The following EPS8 variants were observed in gnomAD, a reference collection of about 807,000 sequenced individuals.
EPS8 encodes epidermal growth factor receptor kinase substrate 8.
In EPS8, 42 loss-of-function variants were observed where a neutral mutation model predicts 103.8. That is an observed-to-expected ratio of 0.40 (90% CI 0.32 to 0.52). The LOEUF (loss-of-function observed/expected upper bound fraction) is 0.52, where lower values mean the gene tolerates loss of function less well. Among genes scored for constraint, EPS8 ranks in the 20% least tolerant of loss-of-function variants. The pLI is 0.40. For synonymous variants in EPS8, 344 were observed against 344.6 expected, an observed-to-expected ratio of 1.00 and a Z score of 0.02; for missense variants, 969 against 1,005.1, an observed-to-expected ratio of 0.96 and a Z score of 0.49.
intron 8 of EPS8, chr12:15,662,300 A>C (rs1367879704): frequency 1.5e-6 from 2 of 1,373,368 alleles, no homozygotes; most frequent in African/African-American, 2.9e-5. Flanking sequence ...GCAGAGCTTA[A>C]GTATTAGTCC....
intron 17 of EPS8, among the ~76,000 whole-genome samples, chr12:15,633,896 C>T (rs749535997): frequency 3.3e-5 from 5 of 152,142 alleles, no homozygotes; most frequent in East Asian, 1.9e-4. Context: ...TGACTCCTAA[C>T]GTCACTTTTC....
At chr12:15,720,526 G>C (rs920568002) in intron 1 of EPS8, among the ~76,000 whole-genome samples, 1 of 152,166 alleles carries the variant, frequency 6.6e-6, no homozygotes, top group Non-Finnish European at 1.5e-5. Context: ...TACTGTAAAA[G>C]AGGTCCATTG....
chr12:15,686,230 TAAGTA>T (rs1946093474), intron 1 of EPS8, among the ~76,000 whole-genome samples: 1 of 152,224 alleles, frequency 6.6e-6, no homozygotes, highest in Non-Finnish European at 1.5e-5. Flanking sequence ...TTCTCCTTCT[TAAGTA>T]TTTTCTCTAG....
At chr12:15,662,376 T>C in intron 8 of EPS8, 8 of 1,159,914 alleles carry the variant, frequency 6.9e-6, no homozygotes, top group Non-Finnish European at 8.5e-6. Context: ...CTGAGTCAGC[T>C]ACCTGTAGAA....
intron 1 of EPS8, among the ~76,000 whole-genome samples, chr12:15,687,336 A>G (rs1056387897): frequency 2.0e-5 from 3 of 152,164 alleles, no homozygotes; most frequent in African/African-American, 4.8e-5. Context: ...TTCTTGTAAC[A>G]ATAATGTGGT....
At chr12:15,673,426 T>C (rs1945849969) in intron 3 of EPS8, among the ~76,000 whole-genome samples, 1 of 152,192 alleles carries the variant, frequency 6.6e-6, no homozygotes, top group South Asian at 2.1e-4. Context: ...TTATAATACA[T>C]TTCTTTTTTA....
chr12:15,627,630 A>G (rs1944971842), intron 18 of EPS8, among the ~76,000 whole-genome samples: 1 of 152,204 alleles, frequency 6.6e-6, no homozygotes, highest in African/African-American at 2.4e-5. Context: ...GGGCTGTTTT[A>G]TAGCCAAAGT....
In EPS8 at chr12:15,734,465, C is replaced by T. The variant is rs1014827874; in HGVS notation, c.-21-51493G>A. The stretch of plus-strand genomic sequence containing the variant: ...ATCCCAGCACTTTGGGAGGCTGAGG[C>T]GGGTGGATCACGAGGTCAGGAGATC... On this transcript the variant is annotated intron_variant, in intron 1 of 20. Transcript: ENST00000281172. The surrounding 1 kb of genome is among the most constrained non-coding windows in gnomAD (Gnocchi z 4.1). Among the ~76,000 whole-genome samples the T allele has an allele frequency of 1.3e-5, 2 of 152,040 alleles. No homozygotes were observed. Among genetic ancestry groups the T allele is most frequent in the Non-Finnish European group, 2.9e-5 (2 of 68,014 alleles).
At position 15,669,501 on chromosome 12, in the gene EPS8, C is replaced by CT. The variant is rs1353367811; in HGVS notation, c.401dup (p.His135AlafsTer12). On this transcript the variant is annotated frameshift_variant, in exon 6 of 21. Transcript: ENST00000281172. LOFTEE classifies it high-confidence loss of function. Reference sequence around the variant, plus strand: ...ATGAATGCATCACAGCTTGGCAGTGCTGGATTGTGTTTAAAGGAAAATTCT... The same window carrying CT: ...ATGAATGCATCACAGCTTGGCAGTGCTTGGATTGTGTTTAAAGGAAAATTCT... 6.2e-7 allele frequency: 1 copy of CT among 1,609,546 alleles called. No homozygotes were observed. The highest frequency in any genetic ancestry group is 8.5e-7 in the Non-Finnish European group (1 of 1,178,542).
chr12:15,688,772 C>T lies in EPS8; in HGVS notation c.-21-5800G>A, dbSNP rs1352685129. Among the ~76,000 whole-genome samples, 2 of 152,286 alleles carry T rather than the reference C, an allele frequency of 1.3e-5. No homozygotes were observed. The highest frequency in any genetic ancestry group is 2.4e-5 in the African/African-American group (1 of 41,556). On this transcript the variant is annotated intron_variant, in intron 1 of 20. Coordinates refer to ENST00000281172, the MANE Select transcript of EPS8 (RefSeq NM_004447.6). This position sits in a 1 kb window ranked among gnomAD's most constrained non-coding sequence, Gnocchi z 5.1. The stretch of plus-strand genomic sequence containing the variant: ...CACGTGTGATCCGATTCTTCCCATA[C>T]GCCAAGGCAATAACCCCAGGATACA...
At position 15,764,108 on chromosome 12, in the gene EPS8, T is replaced by A. The variant is rs1335127113; in HGVS notation, c.-22+25053A>T. ...TGGCTAGGGAGGCCTCATAATCATG[T>A]CCAAAGGTGAAGGAGGAGCAAAGTA... On this transcript the variant is annotated intron_variant, in intron 1 of 20. Coordinates refer to ENST00000281172, the MANE Select transcript of EPS8 (RefSeq NM_004447.6). The surrounding 1 kb of genome is among the most constrained non-coding windows in gnomAD (Gnocchi z 4.1). Among the ~76,000 whole-genome samples, 1 of 152,156 alleles carries A rather than the reference T, an allele frequency of 6.6e-6. No homozygotes were observed. The highest frequency in any genetic ancestry group is 1.5e-5 in the Non-Finnish European group (1 of 68,038).
rs1393748812 is a variant in EPS8 at position 15,778,328 on chromosome 12, T to C, written c.-22+10833A>G. On this transcript the variant is annotated intron_variant, in intron 1 of 20. Coordinates refer to ENST00000281172, the MANE Select transcript of EPS8 (RefSeq NM_004447.6). The surrounding 1 kb of genome is among the most constrained non-coding windows in gnomAD (Gnocchi z 4.5). ...TGCATGAGTATCATGTGAATAATGC[T>C]ACAAGTATTGGACCAATGACCAGAT... 6.6e-6 allele frequency among the ~76,000 whole-genome samples: 1 copy of C among 152,208 alleles called. No individual in the cohort carries two copies. The highest frequency in any genetic ancestry group is 2.4e-5 in the African/African-American group (1 of 41,462).
In EPS8 at chr12:15,706,214, C is replaced by T. The variant is rs992329061; in HGVS notation, c.-21-23242G>A. On this transcript the variant is annotated intron_variant, in intron 1 of 20. Transcript: ENST00000281172. The surrounding 1 kb of genome is among the most constrained non-coding windows in gnomAD (Gnocchi z 5.2). ...AGGGGATCCCTGGCAAAGCTCCTGC[C>T]GGCCTGTGCACTGGGGTGGAGCCTG... Among the ~76,000 whole-genome samples, 1 of 152,154 alleles carries T rather than the reference C, an allele frequency of 6.6e-6. No individual in the cohort carries two copies. The highest frequency in any genetic ancestry group is 2.4e-5 in the African/African-American group (1 of 41,438).
chr12:15,713,854 A>C lies in EPS8; in HGVS notation c.-21-30882T>G, dbSNP rs1377525185. 6.6e-6 allele frequency among the ~76,000 whole-genome samples: 1 copy of C among 152,190 alleles called. No individual in the cohort carries two copies. Among genetic ancestry groups the C allele is most frequent in the African/African-American group, 2.4e-5 (1 of 41,448 alleles). Reference sequence around the variant, plus strand: ...TGAAGAGGACAGGGGAAATGCTATAAATGCTATAAGAAATTAAAATCCTAA... The same window carrying C: ...TGAAGAGGACAGGGGAAATGCTATACATGCTATAAGAAATTAAAATCCTAA... On this transcript the variant is annotated intron_variant, in intron 1 of 20. Coordinates refer to ENST00000281172, the MANE Select transcript of EPS8 (RefSeq NM_004447.6). The surrounding 1 kb of genome is among the most constrained non-coding windows in gnomAD (Gnocchi z 4.8).
intron 3 of EPS8, among the ~76,000 whole-genome samples, chr12:15,672,097 C>G (rs1945827516): frequency 6.6e-6 from 1 of 152,124 alleles, no homozygotes; most frequent in African/African-American, 2.4e-5. Context: ...GCTTTCCCAA[C>G]AACCTATTTT....
chr12:15,727,081 A>T lies in EPS8; in HGVS notation c.-21-44109T>A, dbSNP rs966888430. On this transcript the variant is annotated intron_variant, in intron 1 of 20. Coordinates refer to ENST00000281172, the MANE Select transcript of EPS8 (RefSeq NM_004447.6). The surrounding 1 kb of genome is among the most constrained non-coding windows in gnomAD (Gnocchi z 4.3). Reference sequence around the variant, plus strand: ...ATTTTTTCAAGGTCTGAAACTCACTAGCTCTCTGAAACCATCATTCCACTC... The same window carrying T: ...ATTTTTTCAAGGTCTGAAACTCACTTGCTCTCTGAAACCATCATTCCACTC... 9.9e-5 allele frequency among the ~76,000 whole-genome samples: 15 copies of T among 152,220 alleles called. No individual in the cohort carries two copies. The highest frequency in any genetic ancestry group is 3.6e-4 in the African/African-American group (15 of 41,448).
At chr12:15,662,216 A>G in intron 8 of EPS8, 117 bp from the exon 9 acceptor site, 1 of 1,535,840 alleles carries the variant, frequency 6.5e-7, no homozygotes, top group South Asian at 1.2e-5. Flanking sequence ...GAACACCTCC[A>G]CTGGATACAC....
At chr12:15,669,971 T>A in intron 4 of EPS8, 146 bp from the exon 5 acceptor site, 1 of 559,068 alleles carries the variant, frequency 1.8e-6, no homozygotes, top group Non-Finnish European at 2.9e-6. Context: ...ACTTCATGAC[T>A]ATTTTAATGA....
chr12:15,633,046 A>T (rs1565469161), intron 17 of EPS8, among the ~76,000 whole-genome samples: 1 of 152,126 alleles, frequency 6.6e-6, no homozygotes, highest in African/African-American at 2.4e-5. Flanking sequence ...GCAGGACAGG[A>T]GGGAAGGAGG....
Sources: allele counts gnomAD v4.1 joint callset (sites outside exome capture counted in the v4.1 genomes callset), GRCh38; gene constraint gnomAD v4.1.1; non-coding constraint Gnocchi (gnomAD v3.1); transcripts MANE v1.5; gene names NCBI Gene and HGNC (gene_info 2026-07-23, HGNC 2026-07-21).